EML6: variants seen among roughly 807,000 people sequenced by gnomAD.
The protein encoded by EML6 is echinoderm microtubule-associated protein-like 6.
Under a neutral mutation model 240.1 loss-of-function variants are expected in EML6, and 154 were observed. The observed-to-expected ratio is 0.64, with a 90% CI of 0.56 to 0.73. EML6 has a LOEUF of 0.73. Ranked by LOEUF, EML6 falls within the 30% of genes least tolerant of loss-of-function variation. EML6 has a pLI of 0.00. For synonymous variants in EML6, 1,148 were observed against 899.0 expected (o/e 1.28, Z -4.95); for missense variants, 2,964 against 2,474.6 (o/e 1.20, Z -4.20).
At position 54,834,543 on chromosome 2, in the gene EML6, G is replaced by C. The variant is rs137959235; in HGVS notation, c.847+5066G>C. Among the ~76,000 whole-genome samples, 318 of 152,290 alleles carry C rather than the reference G, an allele frequency of 2.1e-3. 2 individuals are homozygous for C. The highest frequency in any genetic ancestry group is 7.4e-3 in the African/African-American group (308 of 41,562). On this transcript the variant is annotated intron_variant, in intron 7 of 41. Transcript: ENST00000356458. ...TATTAAACATCCAAGTGCCAGATACGTGCCTAGGAACTGAATAGGAAGTCC... is the reference window on the plus strand; with the variant it reads ...TATTAAACATCCAAGTGCCAGATACCTGCCTAGGAACTGAATAGGAAGTCC...
intron 5 of EML6, among the ~76,000 whole-genome samples, chr2:54,825,485 A>C (rs1668541992): frequency 6.6e-6 from 1 of 151,970 alleles, no homozygotes; most frequent in Non-Finnish European, 1.5e-5. Context: ...ATGGTCTCTA[A>C]CTCCTGGGCT....
In EML6 at chr2:54,725,719, G is replaced by A. The variant is rs1173674943; in HGVS notation, c.197+461G>A. 6.6e-6 allele frequency among the ~76,000 whole-genome samples: 1 copy of A among 152,220 alleles called. No homozygotes were observed. Among genetic ancestry groups the A allele is most frequent in the East Asian group, 1.9e-4 (1 of 5,206 alleles). On this transcript the variant is annotated intron_variant, in intron 2 of 41. Transcript: ENST00000356458. This position sits in a 1 kb window ranked among gnomAD's most constrained non-coding sequence, Gnocchi z 4.3. ...AAGAAATTTTACTACTGGTAATTTG[G>A]AATCTTCATCTCAGATGCTTTGGAC... is the stretch of plus-strand genomic sequence containing the variant.
chr2:54,732,204 T>A (rs1405172288), intron 2 of EML6, among the ~76,000 whole-genome samples: 10 of 152,078 alleles, frequency 6.6e-5, no homozygotes, highest in African/African-American at 2.4e-4. Flanking sequence ...TGGGTATGAG[T>A]CCCTTATATA....
intron 2 of EML6, among the ~76,000 whole-genome samples, chr2:54,743,574 C>A (rs892403650): frequency 2.6e-5 from 4 of 152,192 alleles, no homozygotes; most frequent in Admixed American, 1.3e-4. Flanking sequence ...CATGTTCTTT[C>A]TATTACATGG....
chr2:54,892,354 C>T (rs891616681), intron 18 of EML6, 100 bp from the exon 19 acceptor site: 3 of 704,318 alleles, frequency 4.3e-6, no homozygotes, highest in East Asian at 5.4e-5. Context: ...ACATAAATAC[C>T]TAATGAGAGA....
chr2:54,870,319 T>C (rs556837325), intron 15 of EML6, among the ~76,000 whole-genome samples: 1 of 149,964 alleles, frequency 6.7e-6, no homozygotes, highest in Non-Finnish European at 1.5e-5. Context: ...CCATAGCTTT[T>C]AAATTTTTTT....
intron 2 of EML6, among the ~76,000 whole-genome samples, chr2:54,791,718 CA>C (rs199851810): frequency 2.0e-5 from 3 of 150,788 alleles, no homozygotes; most frequent in Non-Finnish European, 3.0e-5. Context: ...TGAAGATTGA[CA>C]AAAAAAAATG....
rs180802629 is a variant in EML6, at chr2:54,961,284, G to A, written c.4968+950G>A. Among the ~76,000 whole-genome samples, 32 of 146,962 alleles carry A rather than the reference G, an allele frequency of 2.2e-4. No homozygotes were observed. The East Asian group carries it at 2.6e-3, about 12-fold the overall frequency. ...ACTGCAACCTATACCTCTTGGGTTC[G>A]AGCGATTCTCCTGCCTCAGCCTCCC... On this transcript the variant is annotated intron_variant, in intron 35 of 41. Coordinates refer to ENST00000356458, the MANE Select transcript of EML6 (RefSeq NM_001039753.4).
chr2:54,945,735 A>T (rs1675664588), intron 28 of EML6, among the ~76,000 whole-genome samples: 1 of 152,214 alleles, frequency 6.6e-6, no homozygotes, highest in Non-Finnish European at 1.5e-5. Context: ...GGAGGGGGAA[A>T]GGAGGGACAA....
At position 54,894,881 on chromosome 2, in the gene EML6, G is replaced by A. The variant is rs531668995; in HGVS notation, c.2743-34G>A. On this transcript the variant is annotated intron_variant, in intron 19 of 41. Coordinates refer to ENST00000356458, the MANE Select transcript of EML6 (RefSeq NM_001039753.4). Reference sequence around the variant, plus strand: ...CAAGTGGGTAATTGGTCATTTTGATGTGTATATAATACCTCTCATGTGTGC... The same window carrying A: ...CAAGTGGGTAATTGGTCATTTTGATATGTATATAATACCTCTCATGTGTGC... 1.9e-4 allele frequency: 269 copies of A among 1,443,250 alleles called. 1 individual carries two copies. The African/African-American group carries it at 3.4e-3, about 18-fold the overall frequency. The allele number at this position is 1,443,250 out of a possible 1,614,324, so 89.4% of individuals were successfully genotyped here. A position where few individuals can be genotyped will look rare whatever the true frequency, so the allele number is the denominator to read the frequency against.
At chr2:54,870,363 C>A (rs1478920636) in intron 15 of EML6, among the ~76,000 whole-genome samples, 1 of 149,608 alleles carries the variant, frequency 6.7e-6, no homozygotes, top group Non-Finnish European at 1.5e-5. Flanking sequence ...AGGGTAAGGG[C>A]TGACCATTGG....
chr2:54,739,927 A>G (rs1010462277), intron 2 of EML6, among the ~76,000 whole-genome samples: 3 of 152,200 alleles, frequency 2.0e-5, no homozygotes, highest in African/African-American at 4.8e-5. Flanking sequence ...ATTCCTGGTG[A>G]TGGATTGGAT....
intron 2 of EML6, among the ~76,000 whole-genome samples, chr2:54,790,895 T>G (rs1191359219): frequency 6.6e-6 from 1 of 151,358 alleles, no homozygotes; most frequent in East Asian, 1.9e-4. Context: ...CCAGCTAATT[T>G]TTTGTATTTT....
chr2:54,871,178 G>A (rs879844482), intron 15 of EML6, among the ~76,000 whole-genome samples: 1 of 152,104 alleles, frequency 6.6e-6, no homozygotes, highest in Non-Finnish European at 1.5e-5. Flanking sequence ...ATCTTGTGTC[G>A]AGCTGGGAAG....
At chr2:54,863,271 C>G (rs865903567) in intron 12 of EML6, among the ~76,000 whole-genome samples, 22 of 152,270 alleles carry the variant, frequency 1.4e-4, no homozygotes, top group African/African-American at 4.8e-4. Flanking sequence ...TTTTACAAAA[C>G]AAAGCTTAAA....
At chr2:54,883,659 C>T (rs1223250613) in intron 17 of EML6, among the ~76,000 whole-genome samples, 1 of 152,186 alleles carries the variant, frequency 6.6e-6, no homozygotes, top group Non-Finnish European at 1.5e-5. Context: ...TGTGTAAGTT[C>T]TTATTCTCGC....
chr2:54,905,349 C>T (rs897027658), intron 24 of EML6, among the ~76,000 whole-genome samples: 1 of 149,878 alleles, frequency 6.7e-6, no homozygotes, highest in Non-Finnish European at 1.5e-5. Context: ...CACACACACA[C>T]ACACACACAC....
chr2:54,896,203 A>G (rs550300237), intron 21 of EML6, among the ~76,000 whole-genome samples: 207 of 152,308 alleles, frequency 1.4e-3, no homozygotes, highest in Non-Finnish European at 2.7e-3. Flanking sequence ...GAATCTCATT[A>G]TCTAAATTGG....
intron 28 of EML6, among the ~76,000 whole-genome samples, chr2:54,934,884 A>G (rs1267241991): frequency 2.0e-5 from 3 of 152,220 alleles, no homozygotes; most frequent in African/African-American, 7.2e-5. Context: ...TCAAACTGAT[A>G]CTTGAATTCT....
Sources: gnomAD v4.1 joint callset for allele counts (sites outside exome capture counted in the v4.1 genomes callset) on GRCh38, gnomAD v4.1.1 for gene constraint, Gnocchi (gnomAD v3.1) non-coding constraint, MANE v1.5 for transcripts, NCBI Gene and HGNC (gene_info 2026-07-23, HGNC 2026-07-21) for gene names.